PCSK1: variants seen among roughly 807,000 people sequenced by gnomAD.
PCSK1 encodes proprotein convertase subtilisin/kexin type 1.
A neutral mutation model predicts 90.6 loss-of-function variants in PCSK1; 56 were observed. That is an observed-to-expected ratio of 0.62 (90% CI 0.50 to 0.77). PCSK1 has a LOEUF of 0.77. Ranked by LOEUF, PCSK1 falls within the 30% of genes least tolerant of loss-of-function variation. The pLI, the probability that PCSK1 is intolerant of heterozygous loss-of-function variation, is 0.00. For missense variants in PCSK1, 801 were observed against 932.6 expected, an observed-to-expected ratio of 0.86 and a Z score of 1.84; for synonymous variants, 348 against 342.4, an observed-to-expected ratio of 1.02 and a Z score of -0.18.
At position 96,392,097 on chromosome 5, in the gene PCSK1, G is replaced by A. The variant is rs1383944219; in HGVS notation, c.*904C>T. 2 of 151,764 alleles carry A rather than the reference G, an allele frequency of 1.3e-5. No individual in the cohort carries two copies. Among genetic ancestry groups the A allele is most frequent in the Non-Finnish European group, 2.9e-5 (2 of 67,948 alleles). The allele number at this position is 151,764 out of a possible 1,614,324, so 9.4% of individuals were successfully genotyped here. ...TGAGTATTTTTCTATTATTACATTA[G>A]GTCTCCATGTGATAAGTGGTTTCCT... is the stretch of plus-strand genomic sequence containing the variant. On this transcript the variant is annotated 3_prime_UTR_variant, in exon 14 of 14. Transcript: ENST00000311106.
chr5:96,405,530 G>C (rs879645160), intron 9 of PCSK1, among the ~76,000 whole-genome samples: 23 of 152,202 alleles, frequency 1.5e-4, no homozygotes, highest in Middle Eastern at 3.4e-3. Flanking sequence ...AATTAGCCAG[G>C]CATGGTGGCA....
intron 12 of PCSK1, among the ~76,000 whole-genome samples, chr5:96,397,131 A>T (rs1484484921): frequency 6.6e-6 from 1 of 152,214 alleles, no homozygotes; most frequent in Non-Finnish European, 1.5e-5. Flanking sequence ...CCCCTCTTAT[A>T]GTATGGCTGA....
intron 6 of PCSK1, among the ~76,000 whole-genome samples, chr5:96,413,706 A>G (rs1045517049): frequency 2.0e-5 from 3 of 151,438 alleles, no homozygotes; most frequent in Admixed American, 1.3e-4. Flanking sequence ...AGGCTGAGGC[A>G]CAAGAAATGC....
intron 5 of PCSK1, among the ~76,000 whole-genome samples, chr5:96,416,811 G>A (rs555052399): frequency 6.6e-6 from 1 of 152,278 alleles, no homozygotes; most frequent in South Asian, 2.1e-4. Context: ...CAAGCAAAGA[G>A]GGTAATTTAT....
At chr5:96,401,040 T>C (rs1312166334) in intron 9 of PCSK1, among the ~76,000 whole-genome samples, 3 of 131,108 alleles carry the variant, frequency 2.3e-5, no homozygotes, top group Non-Finnish European at 4.6e-5. Flanking sequence ...TGAGCCAAGA[T>C]TGTGCCACTG....
intron 8 of PCSK1, among the ~76,000 whole-genome samples, chr5:96,409,760 ACC>A (rs1175593629): frequency 1.3e-5 from 2 of 151,966 alleles, no homozygotes; most frequent in African/African-American, 4.8e-5. Context: ...CTGCCATAAA[ACC>A]CCTCGGTAGA....
chr5:96,400,201 A>G lies in PCSK1; in HGVS notation c.1197-15T>C, dbSNP rs978140466. The G allele has an allele frequency of 5.7e-6, 9 of 1,570,048 alleles. No homozygotes were observed. In the Admixed American group the frequency reaches 1.5e-4, roughly 26 times the overall value. ...TGAGATTTGGGCTGGAGGGGAAGTG[A>G]CCCAAAGTGTCTTTCAGAGAAAAAT... On this transcript the variant is annotated splice_polypyrimidine_tract_variant and intron_variant, in intron 9 of 13. Coordinates refer to ENST00000311106, the MANE Select transcript of PCSK1 (RefSeq NM_000439.5).
intron 3 of PCSK1, among the ~76,000 whole-genome samples, chr5:96,423,825 C>T (rs1761201122): frequency 6.6e-6 from 1 of 152,196 alleles, no homozygotes; most frequent in Non-Finnish European, 1.5e-5. Context: ...TCATCTCCCC[C>T]CAAATCCTGA....
At chr5:96,417,344 C>T (rs1445691507) in intron 5 of PCSK1, among the ~76,000 whole-genome samples, 1 of 152,110 alleles carries the variant, frequency 6.6e-6, no homozygotes, top group African/African-American at 2.4e-5. Flanking sequence ...AATTCAAGAT[C>T]TTTCCTGATG....
chr5:96,422,523 C>T (rs1761160787), intron 4 of PCSK1, among the ~76,000 whole-genome samples: 1 of 152,186 alleles, frequency 6.6e-6, no homozygotes, highest in South Asian at 2.1e-4. Context: ...CCAATAGCTA[C>T]ACTTAAACGC....
intron 9 of PCSK1, among the ~76,000 whole-genome samples, chr5:96,402,193 C>T (rs1024665579): frequency 2.6e-5 from 4 of 152,084 alleles, no homozygotes; most frequent in South Asian, 2.1e-4. Flanking sequence ...CTGAAGAGTC[C>T]GGCTCCTAGT....
intron 6 of PCSK1, among the ~76,000 whole-genome samples, chr5:96,414,030 T>C (rs1760863328): frequency 1.4e-5 from 2 of 138,080 alleles, no homozygotes; most frequent in Admixed American, 1.5e-4. Flanking sequence ...TCCTAGCTAC[T>C]CAGGAGGCTG....
At chr5:96,394,020 G>C (rs1760046427) in intron 13 of PCSK1, among the ~76,000 whole-genome samples, 1 of 152,188 alleles carries the variant, frequency 6.6e-6, no homozygotes, top group South Asian at 2.1e-4. Context: ...TCAGGTCCTG[G>C]AGGGAAGCTG....
intron 10 of PCSK1, 130 bp from the exon 11 acceptor site, chr5:96,399,166 A>G (rs111969635): frequency 2.0e-5 from 14 of 689,626 alleles, no homozygotes; most frequent in African/African-American, 7.2e-5. Flanking sequence ...GATGTGTAGA[A>G]CCTAATTCAG....
rs966374453 is a variant in PCSK1 at position 96,416,259 on chromosome 5, G to A, written c.621-138C>T. The A allele has an allele frequency of 1.0e-5, 7 of 684,804 alleles. No homozygotes were observed. The East Asian group carries it at 1.4e-4, about 14-fold the overall frequency. 42.4% of individuals were successfully genotyped at this position (684,804 alleles called of 1,614,324 possible). On this transcript the variant is annotated intron_variant, in intron 5 of 13. Transcript: ENST00000311106. The stretch of plus-strand genomic sequence containing the variant: ...GTTTTTGTTTGTTTGTTTTAAATTA[G>A]TATAACATAAAACTTATGTTCAGAT...
intron 2 of PCSK1, among the ~76,000 whole-genome samples, chr5:96,428,628 T>A (rs1461905601): frequency 6.6e-6 from 1 of 152,184 alleles, no homozygotes; most frequent in African/African-American, 2.4e-5. Context: ...ATGGTTTGGA[T>A]CCAACAATAG....
chr5:96,412,807 G>T (rs1760814922), intron 6 of PCSK1: 2 of 275,298 alleles, frequency 7.3e-6, no homozygotes, highest in Admixed American at 7.5e-5. Context: ...CCCAGCAAAA[G>T]CTCTGGGCAT....
chr5:96,397,429 T>A lies in PCSK1; in HGVS notation c.1629A>T (p.Thr543=). Residue 543 remains threonine, a synonymous_variant, in exon 12 of 14, where the codon ACA becomes ACT. Transcript: ENST00000311106. ...CCCAATTCTTAAAGCCATTAGGAGATGTATCCCGTTCTCTTTCAGCCAAGA... is the reference window on the plus strand; with the variant it reads ...CCCAATTCTTAAAGCCATTAGGAGAAGTATCCCGTTCTCTTTCAGCCAAGA... ...TVLLAERERD[T]SPNGFKNWDF... 2.5e-6 allele frequency: 4 copies of A among 1,612,770 alleles called. No homozygotes were observed. Among genetic ancestry groups the A allele is most frequent in the Admixed American group, 1.7e-5 (1 of 60,018 alleles).
chr5:96,428,741 T>A (rs991202446), intron 2 of PCSK1, among the ~76,000 whole-genome samples: 2 of 152,190 alleles, frequency 1.3e-5, no homozygotes, highest in Non-Finnish European at 2.9e-5. Context: ...ATAGACTTTT[T>A]TTTCAGTTAT....
Sources: allele counts gnomAD v4.1 joint callset (sites outside exome capture counted in the v4.1 genomes callset), GRCh38; gene constraint gnomAD v4.1.1; transcripts MANE v1.5; gene names NCBI Gene and HGNC (gene_info 2026-07-23, HGNC 2026-07-21).